PADI2: variants seen among roughly 807,000 people sequenced by gnomAD.
The protein encoded by PADI2 is protein-arginine deiminase type-2.
Under a neutral mutation model 81.1 loss-of-function variants are expected in PADI2, and 70 were observed. The ratio of observed to expected loss-of-function variants is 0.86; its 90% confidence interval spans 0.71 to 1.05. The LOEUF is 1.05. PADI2 is among the 50% of genes least tolerant of loss of function. PADI2 has a pLI of 0.00. For missense variants in PADI2, 853 were observed against 889.9 expected (o/e 0.96, Z 0.53); for synonymous variants, 338 against 358.0 (o/e 0.94, Z 0.63).
In PADI2 at chr1:17,105,993, G is replaced by A. The variant is rs878270; in HGVS notation, c.93-932C>T. 5.9e-3 allele frequency among the ~76,000 whole-genome samples: 898 copies of A among 152,268 alleles called. 6 individuals carry two copies. Among genetic ancestry groups the A allele is most frequent in the Middle Eastern group, 0.027 (8 of 294 alleles). The stretch of plus-strand genomic sequence containing the variant: ...TGGAGACCCAGGCAGGAATGAATTT[G>A]CTCCACTAGCAGAGCTGGGCCTGGA... On this transcript the variant is annotated intron_variant, in intron 1 of 15. Transcript: ENST00000375486.
chr1:17,118,711 C>T (rs1424015419), intron 1 of PADI2, among the ~76,000 whole-genome samples: 2 of 152,200 alleles, frequency 1.3e-5, no homozygotes, highest in Non-Finnish European at 2.9e-5. Context: ...ACACGGAGCT[C>T]AGGGCCAGTG....
chr1:17,115,165 C>T lies in PADI2; in HGVS notation c.92+4115G>A, dbSNP rs926552065. Among the ~76,000 whole-genome samples, 2 of 152,196 alleles carry T rather than the reference C, an allele frequency of 1.3e-5. No individual in the cohort carries two copies. Among genetic ancestry groups the T allele is most frequent in the East Asian group, 1.9e-4 (1 of 5,202 alleles). ...ATACCTTCTTCCTATCTTCTGCCAG[C>T]GAGTTATGGGCAAATTATTACTATT... On this transcript the variant is annotated intron_variant, in intron 1 of 15. Coordinates refer to ENST00000375486, the MANE Select transcript of PADI2 (RefSeq NM_007365.3). The surrounding 1 kb of genome is among the most constrained non-coding windows in gnomAD (Gnocchi z 4.1).
At chr1:17,085,342 G>A (rs2078377056) in intron 7 of PADI2, among the ~76,000 whole-genome samples, 2 of 152,182 alleles carry the variant, frequency 1.3e-5, no homozygotes, top group Non-Finnish European at 2.9e-5. Flanking sequence ...GTGGGGAGGT[G>A]CGGGGGTGGT....
chr1:17,078,545 T>C (rs1483910069), intron 11 of PADI2, among the ~76,000 whole-genome samples: 12 of 152,116 alleles, frequency 7.9e-5, no homozygotes. Context: ...ATTACCACCA[T>C]GCCTGCTAAT....
rs994823940 is a variant in PADI2 at position 17,084,604 on chromosome 1, C to A, written c.933G>T (p.Val311=). ...AGGCTGGGGTCACCCCTTACCAGCACACAAACACCGACACGGGAGGCAGGA... is the reference window on the plus strand; with the variant it reads ...AGGCTGGGGTCACCCCTTACCAGCAAACAAACACCGACACGGGAGGCAGGA... The part of the protein sequence containing the change: ...PNILPPVSVF[V]CCMKDNYLFL... Residue 311 remains valine, a synonymous_variant, in exon 8 of 16, where the codon GTG becomes GTT. Coordinates refer to ENST00000375486, the MANE Select transcript of PADI2 (RefSeq NM_007365.3). 2 of 1,579,338 alleles carry A rather than the reference C, an allele frequency of 1.3e-6. No homozygotes were observed. The highest frequency in any genetic ancestry group is 1.2e-5 in the South Asian group (1 of 85,968).
chr1:17,080,642 A>G (rs77892666), intron 10 of PADI2, among the ~76,000 whole-genome samples: 1 of 152,210 alleles, frequency 6.6e-6, no homozygotes, highest in African/African-American at 2.4e-5. Context: ...AACCTGCCAG[A>G]CTTGCCACTG....
chr1:17,083,956 C>T, intron 8 of PADI2, 119 bp from the exon 9 acceptor site: 3 of 672,144 alleles, frequency 4.5e-6, no homozygotes, highest in Non-Finnish European at 8.0e-6. Flanking sequence ...GATCAGTCTA[C>T]ACCTGTGCTC....
chr1:17,110,787 C>A (rs185188759), intron 1 of PADI2, among the ~76,000 whole-genome samples: 87 of 152,332 alleles, frequency 5.7e-4, no homozygotes, highest in African/African-American at 2.0e-3. Flanking sequence ...GACCTAACTC[C>A]ATCCATTTGC....
At chr1:17,096,440 G>A (rs1005842971) in intron 3 of PADI2, among the ~76,000 whole-genome samples, 2 of 152,250 alleles carry the variant, frequency 1.3e-5, no homozygotes, top group African/African-American at 2.4e-5. Flanking sequence ...CCGGGCATGC[G>A]CATAGGTGTG....
Position 17,075,695 on chromosome 1 carries a change from G to A in PADI2, c.1439C>T (p.Pro480Leu), listed in dbSNP as rs1570977821. ...CTAGCTTACCTTTGTGCCGGGGATGGGGACAAAGGACATGAACTCATCCAC... is the reference window on the plus strand; with the variant it reads ...CTAGCTTACCTTTGTGCCGGGGATGAGGACAAAGGACATGAACTCATCCAC... ...GHVDEFMSFV[P>L]IPGTKKFLLL... The change falls in exon 12 of 16, where the codon CCC becomes CTC. Residue 480 changes from proline (P) to leucine (L), a missense_variant. By Grantham distance (98) the Pro-to-Leu change is moderately conservative. Transcript: ENST00000375486. 1 of 1,612,034 alleles carries A rather than the reference G, an allele frequency of 6.2e-7. No individual in the cohort carries two copies. Among genetic ancestry groups the A allele is most frequent in the Non-Finnish European group, 8.5e-7 (1 of 1,179,246 alleles).
intron 10 of PADI2, 112 bp from the exon 11 acceptor site, chr1:17,079,527 C>G (rs940071678): frequency 2.4e-6 from 2 of 831,066 alleles, no homozygotes; most frequent in East Asian, 5.2e-5. Flanking sequence ...ACCCAGTTTC[C>G]AGGTGGGTTG....
chr1:17,092,450 A>C lies in PADI2; in HGVS notation c.613T>G (p.Ser205Ala), dbSNP rs373349035. The change falls in exon 6 of 16, where the codon TCC becomes GCC. Residue 205 changes from serine to alanine, a missense_variant. Transcript: ENST00000375486. The part of the protein sequence containing the change: ...PAGYEIVLYI[S>A]MSDSDKVGVF... ...CCCACTTTGTCTGAGTCTGACATGG[A>C]AATGTACAGAACTATCTCGTATCCG... The C allele has an allele frequency of 6.2e-7, 1 of 1,607,446 alleles. No individual in the cohort carries two copies. Among genetic ancestry groups the C allele is most frequent in the African/African-American group, 1.4e-5 (1 of 73,594 alleles).
intron 10 of PADI2, 133 bp downstream of exon 10, chr1:17,082,412 A>G: frequency 1.5e-6 from 1 of 664,220 alleles, no homozygotes; most frequent in Non-Finnish European, 2.7e-6. Flanking sequence ...AAGTGGACTC[A>G]TTTTGCAGAG....
intron 1 of PADI2, among the ~76,000 whole-genome samples, chr1:17,113,651 G>T (rs1406497707): frequency 6.6e-6 from 1 of 152,192 alleles, no homozygotes; most frequent in Non-Finnish European, 1.5e-5. Context: ...CCAAATGAGA[G>T]CCCCTTACTT....
chr1:17,113,045 T>TC (rs1931640721), intron 1 of PADI2, among the ~76,000 whole-genome samples: 1 of 152,134 alleles, frequency 6.6e-6, no homozygotes, highest in African/African-American at 2.4e-5. Context: ...AGTTGCCACC[T>TC]CTTCCAGGAA....
In PADI2 at chr1:17,092,529, G is replaced by A. The variant is rs11203297; in HGVS notation, c.534C>T (p.Leu178=). ...RDEKVYSKED[L]KDMSQMILRT... is the part of the protein sequence containing the mutation. ...GCAGGATCATCTGGGACATGTCCTT[G>A]AGATCTGAGGGACAGAAGGTGAGAA... Residue 178 remains leucine (L), a synonymous_variant, in exon 6 of 16, where the codon CTC becomes CTT. Transcript: ENST00000375486. The A allele has an allele frequency of 0.21, 332,018 of 1,588,748 alleles. 38,630 individuals carry two copies. Among genetic ancestry groups the A allele is most frequent in the East Asian group, 0.47 (20,492 of 43,708 alleles).
chr1:17,112,571 G>A (rs1243241548), intron 1 of PADI2, among the ~76,000 whole-genome samples: 1 of 152,052 alleles, frequency 6.6e-6, no homozygotes, highest in Non-Finnish European at 1.5e-5. Flanking sequence ...CCCATGGCGA[G>A]CAAGAGGCAG....
chr1:17,101,603 AG>A (rs761739592), intron 3 of PADI2, among the ~76,000 whole-genome samples: 5 of 152,194 alleles, frequency 3.3e-5, no homozygotes, highest in Non-Finnish European at 7.3e-5. Flanking sequence ...AAAGAGGGAC[AG>A]GGGGACCAGC....
At chr1:17,070,065 G>T (rs1396899132) in intron 15 of PADI2, 23 bp downstream of exon 15, 4 of 1,611,952 alleles carry the variant, frequency 2.5e-6, no homozygotes, top group Middle Eastern at 3.3e-4. Context: ...ATGGGGCGAG[G>T]GTTGGGGTCT....
Sources: gnomAD v4.1 joint callset for allele counts (sites outside exome capture counted in the v4.1 genomes callset) on GRCh38, gnomAD v4.1.1 for gene constraint, Gnocchi (gnomAD v3.1) non-coding constraint, MANE v1.5 for transcripts, NCBI Gene and HGNC (gene_info 2026-07-23, HGNC 2026-07-21) for gene names.